RBM41: variants seen among roughly 807,000 people sequenced by gnomAD.
RBM41 encodes the protein RNA binding motif protein 41, also known as RNA-binding protein 41.
A neutral mutation model predicts 30.8 loss-of-function variants in RBM41; 14 were observed. The observed-to-expected ratio is 0.45, with a 90% CI of 0.30 to 0.71. The LOEUF (loss-of-function observed/expected upper bound fraction) is 0.71. Ranked by LOEUF, RBM41 falls within the 30% of genes least tolerant of loss-of-function variation. The pLI is 0.08. For missense variants in RBM41, 276 were observed against 326.3 expected, an observed-to-expected ratio of 0.85 and a Z score of 1.19; for synonymous variants, 120 against 110.1, an observed-to-expected ratio of 1.09 and a Z score of -0.56.
rs140836678 is a variant in RBM41 at position 107,098,882 on chromosome X, T to C, written c.596-10043A>G. Reference sequence around the variant, plus strand: ...TGGCCGTGGTGGCGCATATCTGTAATCTCAGCTACTTGGGAGGCTGAGGCA... The same window carrying C: ...TGGCCGTGGTGGCGCATATCTGTAACCTCAGCTACTTGGGAGGCTGAGGCA... On this transcript the variant is annotated intron_variant, in intron 5 of 7. Transcript: ENST00000685964. Among the ~76,000 whole-genome samples, 613 of 109,938 alleles carry C rather than the reference T, an allele frequency of 5.6e-3. 5 individuals are homozygous for C. The highest frequency in any genetic ancestry group is 0.019 in the African/African-American group (573 of 30,158).
Position 107,069,287 on chromosome X carries a change from C to T in RBM41, c.1115G>A (p.Arg372Gln), listed in dbSNP as rs760161128. The T allele has an allele frequency of 8.3e-6, 10 of 1,208,525 alleles. No individual in the cohort carries two copies. The highest frequency in any genetic ancestry group is 4.4e-5 in the Admixed American group (2 of 45,521). Residue 372 changes from arginine (R) to glutamine (Q), a missense_variant, in exon 7 of 8, where the codon CGA (arginine) becomes CAA (glutamine). Transcript: ENST00000685964. ...GGTGATAAAAGCCTGGCCCCTCATTCGTCCAGTCATCATTCGGAATTGAAT... is the reference window on the plus strand; with the variant it reads ...GGTGATAAAAGCCTGGCCCCTCATTTGTCCAGTCATCATTCGGAATTGAAT... ...PPIQFRMMTG[R>Q]MRGQAFITFP...
At chrX:107,090,122 T>A (rs1212973041) in intron 5 of RBM41, among the ~76,000 whole-genome samples, 1 of 111,961 alleles carries the variant, frequency 8.9e-6, no homozygotes, top group Non-Finnish European at 1.9e-5. Flanking sequence ...ATGCCTGCAA[T>A]CCCAGCACTT....
chrX:107,112,519 T>A, intron 5 of RBM41, among the ~76,000 whole-genome samples: 1 of 111,349 alleles, frequency 9.0e-6, no homozygotes, highest in East Asian at 2.8e-4. Context: ...GACCCAGTAA[T>A]CCCACTTCTA....
rs763018553 is a variant in RBM41 at position 107,061,991 on chromosome X, A to C, written c.*5536T>G. 6.2e-5 allele frequency among the ~76,000 whole-genome samples: 7 copies of C among 112,435 alleles called. No individual in the cohort carries two copies. The highest frequency in any genetic ancestry group is 1.9e-4 in the Admixed American group (2 of 10,597). On this transcript the variant is annotated 3_prime_UTR_variant, in exon 8 of 8. Transcript: ENST00000685964. The stretch of plus-strand genomic sequence containing the variant: ...TGGGTTTTGACAAATGCATATACTT[A>C]TGTAACTACAATAAAGACACGGAAA...
chrX:107,100,747 G>C (rs1299126551), intron 5 of RBM41, among the ~76,000 whole-genome samples: 1 of 110,795 alleles, frequency 9.0e-6, no homozygotes, highest in Non-Finnish European at 1.9e-5. Context: ...TCCACTCCTA[G>C]ATATATACCC....
chrX:107,076,311 C>T lies in RBM41; in HGVS notation c.1000-6909G>A, dbSNP rs940176618. On this transcript the variant is annotated intron_variant, in intron 6 of 7. Transcript: ENST00000685964. ...CAGCTCAGACGACAGTGCCAGACTC[C>T]GTCTCAAATAAATAAATAAATAAAT... Among the ~76,000 whole-genome samples the T allele has an allele frequency of 4.4e-4, 41 of 93,261 alleles. 2 individuals are homozygous for T. The highest frequency in any genetic ancestry group is 3.5e-3 in the East Asian group (10 of 2,867). The allele number at this position is 93,261 out of a possible 115,157, so 81.0% of individuals were successfully genotyped here. A position where few individuals can be genotyped will look rare whatever the true frequency, so the allele number is the denominator to read the frequency against.
At chrX:107,108,995 T>C (rs980315893) in intron 5 of RBM41, among the ~76,000 whole-genome samples, 1 of 111,731 alleles carries the variant, frequency 9.0e-6, no homozygotes, top group African/African-American at 3.3e-5. Flanking sequence ...AACAAAGTTT[T>C]TTAATATAAT....
At chrX:107,059,499 G>A (rs1935610331), downstream of RBM41, among the ~76,000 whole-genome samples, 1 of 111,303 alleles carries the variant, frequency 9.0e-6, no homozygotes, top group African/African-American at 3.3e-5. Flanking sequence ...CTGGAACTTT[G>A]AATTAAATTA....
chrX:107,077,996 G>A (rs1288046029), intron 6 of RBM41, among the ~76,000 whole-genome samples: 1 of 111,199 alleles, frequency 9.0e-6, no homozygotes, highest in Non-Finnish European at 1.9e-5. Flanking sequence ...ATTAACTAAA[G>A]TCCACAGTTT....
chrX:107,094,601 G>T (rs887613436), intron 5 of RBM41, among the ~76,000 whole-genome samples: 3 of 112,117 alleles, frequency 2.7e-5, no homozygotes, highest in African/African-American at 3.2e-5. Flanking sequence ...TGGAATCTGT[G>T]AAAATGTTAA....
Position 107,063,021 on chromosome X carries a change from C to A in RBM41, c.*4506G>T, listed in dbSNP as rs922599035. Reference sequence around the variant, plus strand: ...TTACCCATTTTCCTATTGATGGACACCCCTACTTTTGTGAGTTTTATTGAG... The same window carrying A: ...TTACCCATTTTCCTATTGATGGACAACCCTACTTTTGTGAGTTTTATTGAG... On this transcript the variant is annotated 3_prime_UTR_variant, in exon 8 of 8. Transcript: ENST00000685964. Among the ~76,000 whole-genome samples, 3 of 111,290 alleles carry A rather than the reference C, an allele frequency of 2.7e-5. No homozygotes were observed. Among genetic ancestry groups the A allele is most frequent in the African/African-American group, 6.5e-5 (2 of 30,579 alleles).
chrX:107,115,990 C>A lies in RBM41; in HGVS notation c.190G>T (p.Ala64Ser). 8.3e-7 allele frequency: 1 copy of A among 1,209,303 alleles called. No homozygotes were observed. Among genetic ancestry groups the A allele is most frequent in the Non-Finnish European group, 1.1e-6 (1 of 894,255 alleles). ...AATTGGGACAAAGTCATAGTCCCAGCTGCTTCCTTCCCAAAGGGCTTGTAC... is the reference window on the plus strand; with the variant it reads ...AATTGGGACAAAGTCATAGTCCCAGATGCTTCCTTCCCAAAGGGCTTGTAC... Reference protein sequence around the residue: ...TMYKPFGKEAAGTMTLSQFQT... With the variant: ...TMYKPFGKEASGTMTLSQFQT... Residue 64 changes from alanine (A) to serine (S), a missense_variant, in exon 3 of 8, where the codon GCT becomes TCT. Ala to Ser is a moderately conservative substitution (Grantham distance 99). Transcript: ENST00000685964.
chrX:107,082,073 G>T (rs1404393137), intron 6 of RBM41, among the ~76,000 whole-genome samples: 3 of 111,656 alleles, frequency 2.7e-5, no homozygotes, highest in African/African-American at 9.7e-5. Flanking sequence ...AGTGGGGAAA[G>T]GGGACATTTT....
chrX:107,096,852 T>C (rs370746653), intron 5 of RBM41, among the ~76,000 whole-genome samples: 15 of 112,143 alleles, frequency 1.3e-4, no homozygotes, highest in Admixed American at 5.7e-4. Context: ...TATAAAGGAC[T>C]TGTATTCAGA....
chrX:107,105,099 A>G (rs1294310362), intron 5 of RBM41, among the ~76,000 whole-genome samples: 12 of 111,382 alleles, frequency 1.1e-4, no homozygotes, highest in South Asian at 3.8e-4. Context: ...CAGATGACAC[A>G]ATTGTATATC....
At chrX:107,056,489 G>C in the RBM41 span, among the ~76,000 whole-genome samples, 1 of 110,898 alleles carries the variant, frequency 9.0e-6, no homozygotes, top group Non-Finnish European at 1.9e-5. Flanking sequence ...AATGCTTCTA[G>C]AATTTACCAG....
chrX:107,107,093 C>T (rs1406094775), intron 5 of RBM41, among the ~76,000 whole-genome samples: 1 of 111,545 alleles, frequency 9.0e-6, no homozygotes, highest in South Asian at 3.8e-4. Flanking sequence ...TCATTTTTAT[C>T]ATTTTCTTTA....
At position 107,113,377 on chromosome X, in the gene RBM41, T is replaced by A. The variant is rs915579664; in HGVS notation, c.595+20A>T. On this transcript the variant is annotated intron_variant, in intron 5 of 7. Coordinates refer to ENST00000685964, the MANE Select transcript of RBM41 (RefSeq NM_001324242.2). Reference sequence around the variant, plus strand: ...GGTTACATTCCTAAGTCTAACACTATAAGAAAACTCTCGACTTGCCTTTTG... The same window carrying A: ...GGTTACATTCCTAAGTCTAACACTAAAAGAAAACTCTCGACTTGCCTTTTG... 6.0e-5 allele frequency: 59 copies of A among 980,692 alleles called. No individual in the cohort carries two copies. Among genetic ancestry groups the A allele is most frequent in the Middle Eastern group, 5.9e-4 (2 of 3,408 alleles). The allele number at this position is 980,692 out of a possible 1,213,427, so 80.8% of individuals were successfully genotyped here. A position where few individuals can be genotyped will look rare whatever the true frequency, so the allele number is the denominator to read the frequency against.
intron 5 of RBM41, among the ~76,000 whole-genome samples, chrX:107,106,562 A>T (rs183829702): frequency 0.017 from 1,860 of 111,590 alleles, 14 homozygotes; most frequent in Admixed American, 0.032. Context: ...ATAAAGACAC[A>T]TGCACATGTA....
Sources: allele counts gnomAD v4.1 joint callset (sites outside exome capture counted in the v4.1 genomes callset), GRCh38; gene constraint gnomAD v4.1.1; transcripts MANE v1.5; gene names NCBI Gene and HGNC (gene_info 2026-07-23, HGNC 2026-07-21).